The following RBFOX3 variants were observed in gnomAD, a reference collection of about 807,000 sequenced individuals.
RBFOX3 encodes RNA binding fox-1 homolog 3.
RBFOX3 carries 17 observed loss-of-function variants against 48.7 expected under a neutral mutation model. That is an observed-to-expected ratio of 0.35 (90% CI 0.24 to 0.52). RBFOX3 has a LOEUF of 0.52. Among genes scored for constraint, RBFOX3 ranks in the 20% least tolerant of loss-of-function variants. The pLI is 0.94. For synonymous variants in RBFOX3, 212 were observed against 209.5 expected (o/e 1.01, Z -0.10); for missense variants, 382 against 497.5 (o/e 0.77, Z 2.21).
At chr17:79,153,430 G>A (rs2045050480) in intron 4 of RBFOX3, among the ~76,000 whole-genome samples, 1 of 152,190 alleles carries the variant, frequency 6.6e-6, no homozygotes, top group Admixed American at 6.5e-5. Context: ...GGCTGGTGGG[G>A]TGATAACAGG....
chr17:79,315,380 G>A (rs944110512), intron 2 of RBFOX3, among the ~76,000 whole-genome samples: 1 of 152,190 alleles, frequency 6.6e-6, no homozygotes, highest in Non-Finnish European at 1.5e-5. Context: ...AGGCCAGAAA[G>A]TGCTGGATGC....
intron 4 of RBFOX3, among the ~76,000 whole-genome samples, chr17:79,123,447 A>G (rs1599540739): frequency 8.1e-6 from 1 of 123,874 alleles, no homozygotes; most frequent in Admixed American, 9.3e-5. Flanking sequence ...GAGTGCCTCC[A>G]GGTGTCCATG....
At chr17:79,660,285 A>G in the RBFOX3 span, among the ~76,000 whole-genome samples, 1 of 152,244 alleles carries the variant, frequency 6.6e-6, no homozygotes, top group African/African-American at 2.4e-5. Context: ...CAATCGCAAC[A>G]CAAGCAAAAA....
Position 79,234,085 on chromosome 17 carries a change from T to G in RBFOX3, c.-34+1681A>C, listed in dbSNP as rs148843132. 1.6e-3 allele frequency: 241 copies of G among 152,360 alleles called. 4 individuals are homozygous for G. In the East Asian group the frequency reaches 0.036, roughly 23 times the overall value. 9.4% of individuals were successfully genotyped at this position (152,360 alleles called of 1,614,324 possible). On this transcript the variant is annotated intron_variant, in intron 4 of 14. Coordinates refer to ENST00000693108, the MANE Select transcript of RBFOX3 (RefSeq NM_001350451.2). ...AGGCCAACACCCGGCGGCCTTCCTG[T>G]CTACTCCCACGGAAAACTGCATCTA... is the stretch of plus-strand genomic sequence containing the variant.
chr17:79,253,168 C>T (rs888732159), intron 3 of RBFOX3, among the ~76,000 whole-genome samples: 2 of 152,204 alleles, frequency 1.3e-5, no homozygotes, highest in African/African-American at 2.4e-5. Flanking sequence ...ACCACCACTC[C>T]TCCTAGCACA....
intron 2 of RBFOX3, among the ~76,000 whole-genome samples, chr17:79,374,994 C>G (rs1293154953): frequency 1.3e-5 from 2 of 152,114 alleles, no homozygotes; most frequent in African/African-American, 2.4e-5. Context: ...CCTCCCTTCC[C>G]CTGCCGCTCC....
chr17:79,134,960 T>G (rs1186902045), intron 4 of RBFOX3: 1 of 152,240 alleles, frequency 6.6e-6, no homozygotes, highest in East Asian at 1.9e-4. Flanking sequence ...GGGCAGAGAC[T>G]TGGTGAGGGA....
intron 4 of RBFOX3, among the ~76,000 whole-genome samples, chr17:79,226,876 C>T (rs946370563): frequency 5.9e-5 from 9 of 152,208 alleles, no homozygotes; most frequent in Non-Finnish European, 1.2e-4. Context: ...TCTACACCAG[C>T]GTGAGACTGG....
At chr17:79,293,731 G>A (rs1042055336) in intron 3 of RBFOX3, among the ~76,000 whole-genome samples, 5 of 152,164 alleles carry the variant, frequency 3.3e-5, no homozygotes, top group African/African-American at 9.7e-5. Flanking sequence ...GGGATTACAG[G>A]CATGAGCCAC....
Position 79,509,494 on chromosome 17 carries a change from C to T in RBFOX3, c.-319-26896G>A, listed in dbSNP as rs1382358526. ...GCTTGGAAACTGACCGATGCTCAGG[C>T]CGACGGAGTCTGAGTCCAGGGCAGG... On this transcript the variant is annotated intron_variant, in intron 1 of 14. Transcript: ENST00000693108. Among the ~76,000 whole-genome samples the T allele has an allele frequency of 2.6e-5, 4 of 152,082 alleles. No homozygotes were observed. The East Asian group carries it at 7.7e-4, about 29-fold the overall frequency.
chr17:79,289,406 C>T (rs188806851), intron 3 of RBFOX3, among the ~76,000 whole-genome samples: 6 of 152,348 alleles, frequency 3.9e-5, no homozygotes, highest in Admixed American at 2.6e-4. Flanking sequence ...CCGGCAGCCT[C>T]GCCAGCCATC....
intron 1 of RBFOX3, among the ~76,000 whole-genome samples, chr17:79,555,703 G>GCGATGGTAATGGTGATAATGGCGATGA (rs2091680210): frequency 9.5e-5 from 1 of 10,570 alleles, no homozygotes; most frequent in African/African-American, 2.3e-4. Flanking sequence ...GGTGGTGATA[G>GCGATGGTAATGGTGATAATGGCGATGA]TGGTGGCAAT....
rs147671508 is a variant in RBFOX3 at position 79,120,354 on chromosome 17, G to A, written c.-33-4606C>T. 1.2e-4 allele frequency among the ~76,000 whole-genome samples: 18 copies of A among 152,122 alleles called. No individual in the cohort carries two copies. The East Asian group carries it at 3.5e-3, about 29-fold the overall frequency. ...GATGGGAGGGGTACATGGGTGGGCAGGTGGGTGGATGGAAGGATAAATGGA... is the reference window on the plus strand; with the variant it reads ...GATGGGAGGGGTACATGGGTGGGCAAGTGGGTGGATGGAAGGATAAATGGA... On this transcript the variant is annotated intron_variant, in intron 4 of 14. Coordinates refer to ENST00000693108, the MANE Select transcript of RBFOX3 (RefSeq NM_001350451.2).
At chr17:79,542,183 A>C (rs921781929) in intron 1 of RBFOX3, among the ~76,000 whole-genome samples, 4 of 152,162 alleles carry the variant, frequency 2.6e-5, no homozygotes, top group Admixed American at 2.6e-4. Flanking sequence ...AAAGCTGGAA[A>C]TTGTTTCCTG....
chr17:79,096,318 G>T (rs144279117), intron 12 of RBFOX3, among the ~76,000 whole-genome samples: 1 of 152,304 alleles, frequency 6.6e-6, no homozygotes, highest in Non-Finnish European at 1.5e-5. Context: ...TGCCTTAGGG[G>T]CTCACTCACT....
chr17:79,427,379 G>A (rs915755317), intron 2 of RBFOX3, among the ~76,000 whole-genome samples: 3 of 152,196 alleles, frequency 2.0e-5, no homozygotes, highest in African/African-American at 2.4e-5. Context: ...TTGGGCTGGC[G>A]GGAAGCACCC....
intron 3 of RBFOX3, among the ~76,000 whole-genome samples, chr17:79,271,626 C>T (rs2067721443): frequency 6.6e-6 from 1 of 152,214 alleles, no homozygotes; most frequent in African/African-American, 2.4e-5. Context: ...TCTGACTTTC[C>T]CTTCTCCCAC....
At chr17:79,641,333 A>G in the RBFOX3 span, among the ~76,000 whole-genome samples, 2,771 of 152,276 alleles carry the variant, frequency 0.018, 38 homozygotes, top group Middle Eastern at 0.041. Flanking sequence ...GAAAAGGGAA[A>G]CCTTGTACAT....
chr17:79,353,892 G>A (rs2084441244), intron 2 of RBFOX3, among the ~76,000 whole-genome samples: 1 of 152,176 alleles, frequency 6.6e-6, no homozygotes, highest in Non-Finnish European at 1.5e-5. Flanking sequence ...CGCTCCCTGA[G>A]GTCCCACCCC....
Sources: gnomAD v4.1 joint callset for allele counts (sites outside exome capture counted in the v4.1 genomes callset) on GRCh38, gnomAD v4.1.1 for gene constraint, MANE v1.5 for transcripts, NCBI Gene and HGNC (gene_info 2026-07-23, HGNC 2026-07-21) for gene names.